The following GALNT13 variants were observed in gnomAD, a reference collection of about 807,000 sequenced individuals.
GALNT13 encodes UDP-GalNAc:polypeptide N-acetylgalactosaminyltransferase 13.
GALNT13 carries 28 observed loss-of-function variants against 64.2 expected under a neutral mutation model. The ratio of observed to expected loss-of-function variants is 0.44; its 90% CI spans 0.32 to 0.60. GALNT13 has a LOEUF of 0.60. GALNT13 is among the 20% of genes least tolerant of loss of function. GALNT13 has a pLI of 0.05. For missense variants in GALNT13, 577 were observed against 669.8 expected (o/e 0.86, Z 1.53); for synonymous variants, 214 against 224.6 (o/e 0.95, Z 0.42).
At chr2:153,168,701 T>C in the GALNT13 span, among the ~76,000 whole-genome samples, 1 of 152,198 alleles carries the variant, frequency 6.6e-6, no homozygotes, top group East Asian at 1.9e-4. Context: ...AAAATATACC[T>C]ATCTCCCATG....
At chr2:153,896,591 T>C (rs1687912867) in intron 1 of GALNT13, among the ~76,000 whole-genome samples, 1 of 152,050 alleles carries the variant, frequency 6.6e-6, no homozygotes, top group Non-Finnish European at 1.5e-5. Flanking sequence ...TTTATTTATT[T>C]TTAACTTTTA....
At chr2:153,151,836 G>C in the GALNT13 span, among the ~76,000 whole-genome samples, 7 of 151,388 alleles carry the variant, frequency 4.6e-5, no homozygotes, top group Non-Finnish European at 8.8e-5. Flanking sequence ...GTTGTGGGGT[G>C]GGGGGAGGTG....
the GALNT13 span, among the ~76,000 whole-genome samples, chr2:153,828,540 C>T: frequency 5.7e-4 from 87 of 152,068 alleles, 1 homozygote; most frequent in Admixed American, 3.4e-3. Context: ...GGCTGGGACA[C>T]GGGGTACAAA....
chr2:153,631,481 T>C, the GALNT13 span, among the ~76,000 whole-genome samples: 1 of 152,214 alleles, frequency 6.6e-6, no homozygotes, highest in Non-Finnish European at 1.5e-5. Flanking sequence ...TGTTGTTTCC[T>C]GACTTTTTAA....
the GALNT13 span, among the ~76,000 whole-genome samples, chr2:153,261,169 G>C: frequency 6.6e-6 from 1 of 151,988 alleles, no homozygotes; most frequent in Non-Finnish European, 1.5e-5. Context: ...TTATCTGAAA[G>C]GTAATATATC....
chr2:153,245,045 G>A, the GALNT13 span, among the ~76,000 whole-genome samples: 122 of 152,344 alleles, frequency 8.0e-4, no homozygotes, highest in African/African-American at 2.5e-3. Context: ...TGGCAAAGCC[G>A]CTGTGACCAG....
chr2:154,160,593 A>G (rs1472345527), intron 4 of GALNT13, among the ~76,000 whole-genome samples: 1 of 152,140 alleles, frequency 6.6e-6, no homozygotes, highest in African/African-American at 2.4e-5. Context: ...TCATGTTACT[A>G]TCCCATCACA....
At chr2:154,274,927 C>T (rs1027957147) in intron 8 of GALNT13, among the ~76,000 whole-genome samples, 3 of 152,020 alleles carry the variant, frequency 2.0e-5, no homozygotes, top group Admixed American at 6.6e-5. Context: ...GATAGTGATA[C>T]GGACAACAAA....
chr2:153,649,828 G>T, the GALNT13 span, among the ~76,000 whole-genome samples: 1 of 152,134 alleles, frequency 6.6e-6, no homozygotes, highest in Non-Finnish European at 1.5e-5. Context: ...TGGTCTGAGA[G>T]ACAGTTTGTT....
the GALNT13 span, among the ~76,000 whole-genome samples, chr2:153,417,516 C>A: frequency 6.6e-6 from 1 of 152,060 alleles, no homozygotes; most frequent in Non-Finnish European, 1.5e-5. Flanking sequence ...GATGAGTCTG[C>A]CTGGGGAATG....
the GALNT13 span, among the ~76,000 whole-genome samples, chr2:153,226,000 C>G: frequency 6.6e-6 from 1 of 151,838 alleles, no homozygotes; most frequent in Non-Finnish European, 1.5e-5. Context: ...GTGGTGCAAT[C>G]TCGGCTCACT....
chr2:153,914,130 G>A (rs1452756292), intron 2 of GALNT13, among the ~76,000 whole-genome samples: 1 of 152,104 alleles, frequency 6.6e-6, no homozygotes, highest in Non-Finnish European at 1.5e-5. Flanking sequence ...TAGCTTTATT[G>A]TATTTTCTGT....
chr2:153,557,949 G>C, the GALNT13 span, among the ~76,000 whole-genome samples: 1 of 152,086 alleles, frequency 6.6e-6, no homozygotes, highest in Non-Finnish European at 1.5e-5. Context: ...TCAGATAAGT[G>C]GCATTCCCTA....
the GALNT13 span, among the ~76,000 whole-genome samples, chr2:153,833,047 G>A: frequency 2.6e-5 from 4 of 152,122 alleles, no homozygotes; most frequent in Admixed American, 1.3e-4. Context: ...CCACCATTCT[G>A]AGTAGCCTGA....
chr2:153,815,807 A>G, the GALNT13 span, among the ~76,000 whole-genome samples: 1 of 152,320 alleles, frequency 6.6e-6, no homozygotes, highest in Non-Finnish European at 1.5e-5. Context: ...TTTGGTTTCA[A>G]TAAAATGTGC....
intron 11 of GALNT13, among the ~76,000 whole-genome samples, chr2:154,432,213 AT>A (rs1327190738): frequency 5.9e-5 from 9 of 152,240 alleles, no homozygotes; most frequent in Non-Finnish European, 1.3e-4. Context: ...CAGCTATAAT[AT>A]AAAAGTATTT....
the GALNT13 span, among the ~76,000 whole-genome samples, chr2:153,484,355 T>C: frequency 2.0e-5 from 3 of 152,196 alleles, no homozygotes; most frequent in Admixed American, 1.3e-4. Context: ...CTATAATTTA[T>C]TTATTAAACC....
intron 9 of GALNT13, among the ~76,000 whole-genome samples, chr2:154,333,711 A>G (rs1036252778): frequency 1.3e-5 from 2 of 152,116 alleles, no homozygotes; most frequent in Non-Finnish European, 2.9e-5. Context: ...GCAATGACTA[A>G]TAGCAATTAT....
At chr2:153,250,531 G>A in the GALNT13 span, among the ~76,000 whole-genome samples, 1 of 152,146 alleles carries the variant, frequency 6.6e-6, no homozygotes, top group Admixed American at 6.5e-5. Context: ...CTGTTACTGG[G>A]TATATACCCA....
Sources: gnomAD v4.1 joint callset for allele counts (sites outside exome capture counted in the v4.1 genomes callset) on GRCh38, gnomAD v4.1.1 for gene constraint, MANE v1.5 for transcripts, NCBI Gene and HGNC (gene_info 2026-07-23, HGNC 2026-07-21) for gene names.